BRCC3: variants seen among roughly 807,000 people sequenced by gnomAD.
BRCC3 encodes lys-63-specific deubiquitinase BRCC36.
BRCC3 carries 15 observed loss-of-function variants against 28.0 expected under a neutral mutation model. That is an observed-to-expected ratio of 0.54 (90% confidence interval 0.36 to 0.82). The LOEUF is 0.82. Ranked by LOEUF, BRCC3 falls within the 40% of genes least tolerant of loss-of-function variation. BRCC3 has a pLI of 0.01. For synonymous variants in BRCC3, 66 were observed against 80.3 expected (o/e 0.82, Z 0.95); for missense variants, 109 against 225.9 (o/e 0.48, Z 3.32).
intron 5 of BRCC3, among the ~76,000 whole-genome samples, chrX:155,086,913 A>G (rs1269020686): frequency 3.6e-5 from 4 of 111,940 alleles, no homozygotes; most frequent in African/African-American, 1.3e-4. Flanking sequence ...AGGCTTCTGA[A>G]ATGTCTTTGG....
chrX:155,095,358 C>T (rs899371941), intron 7 of BRCC3, among the ~76,000 whole-genome samples: 1 of 111,320 alleles, frequency 9.0e-6, no homozygotes, highest in Non-Finnish European at 1.9e-5. Flanking sequence ...TGGAGTACAA[C>T]GGCAGGATCT....
chrX:155,118,573 A>G (rs976204436), intron 9 of BRCC3, among the ~76,000 whole-genome samples: 3 of 112,652 alleles, frequency 2.7e-5, no homozygotes, highest in African/African-American at 9.7e-5. Flanking sequence ...TTGGCTTTAC[A>G]GTTTTGCAGA....
chrX:155,119,974 C>A (rs1557299219), intron 9 of BRCC3, 25 bp from the exon 10 acceptor site: 1 of 1,186,611 alleles, frequency 8.4e-7, no homozygotes, highest in Non-Finnish European at 1.1e-6. Flanking sequence ...CACAATTATT[C>A]TCATCTTTAT....
intron 5 of BRCC3, among the ~76,000 whole-genome samples, chrX:155,079,451 G>A (rs1557293980): frequency 8.9e-6 from 1 of 111,849 alleles, no homozygotes; most frequent in African/African-American, 3.3e-5. Flanking sequence ...CATCTACACT[G>A]TGATACGAAT....
chrX:155,105,343 T>TGGGC (rs2074274221), intron 7 of BRCC3, among the ~76,000 whole-genome samples: 3 of 111,098 alleles, frequency 2.7e-5, no homozygotes, highest in Admixed American at 9.5e-5. Context: ...ATTAGCCAAG[T>TGGGC]GTGGTGGCGC....
At chrX:155,113,468 A>G (rs970149868) in intron 7 of BRCC3, among the ~76,000 whole-genome samples, 8 of 110,933 alleles carry the variant, frequency 7.2e-5, no homozygotes, top group South Asian at 7.6e-4. Flanking sequence ...AAGAAGCTGG[A>G]CCCTTATCTT....
chrX:155,111,427 A>G (rs1451809848), intron 7 of BRCC3, among the ~76,000 whole-genome samples: 2 of 112,020 alleles, frequency 1.8e-5, no homozygotes, highest in Non-Finnish European at 3.8e-5. Context: ...AAATCAGTGG[A>G]ATAGAATTGT....
chrX:155,094,015 T>A (rs953375271), intron 7 of BRCC3, among the ~76,000 whole-genome samples: 27 of 112,019 alleles, frequency 2.4e-4, no homozygotes, highest in African/African-American at 8.4e-4. Context: ...AATGTTAGAT[T>A]GCCTTCTGTT....
At chrX:155,080,182 G>GAA (rs1215716527) in intron 5 of BRCC3, among the ~76,000 whole-genome samples, 3 of 111,553 alleles carry the variant, frequency 2.7e-5, no homozygotes, top group African/African-American at 9.8e-5. Flanking sequence ...CACTAATGAA[G>GAA]AAAAGTTTGA....
chrX:155,112,485 G>A (rs782470535), intron 7 of BRCC3, among the ~76,000 whole-genome samples: 1 of 112,844 alleles, frequency 8.9e-6, no homozygotes, highest in Non-Finnish European at 1.9e-5. Context: ...TTTTTGGACC[G>A]TGGTTGACCA....
At chrX:155,085,582 C>T (rs2074117813) in intron 5 of BRCC3, among the ~76,000 whole-genome samples, 1 of 112,565 alleles carries the variant, frequency 8.9e-6, no homozygotes, top group African/African-American at 3.2e-5. Context: ...CAACAGAAAA[C>T]AGATAAGCGA....
chrX:155,120,199 A>G (rs1465071986), intron 10 of BRCC3, 31 bp downstream of exon 10: 1 of 1,075,941 alleles, frequency 9.3e-7, no homozygotes, highest in African/African-American at 1.8e-5. Flanking sequence ...TTTGTGTACT[A>G]AACACAGTCT....
intron 7 of BRCC3, among the ~76,000 whole-genome samples, chrX:155,095,613 A>T (rs968563374): frequency 2.7e-5 from 3 of 111,674 alleles, no homozygotes; most frequent in African/African-American, 6.5e-5. Context: ...GAAAGAAACA[A>T]TTTTTAATAT....
At chrX:155,093,865 G>A (rs2074191892) in intron 7 of BRCC3, among the ~76,000 whole-genome samples, 1 of 108,739 alleles carries the variant, frequency 9.2e-6, no homozygotes, top group Admixed American at 9.8e-5. Context: ...TTTTGTTCTA[G>A]TTTCGGCTTT....
chrX:155,120,264 G>C, intron 10 of BRCC3, 96 bp downstream of exon 10: 1 of 656,610 alleles, frequency 1.5e-6, no homozygotes, highest in Non-Finnish European at 2.4e-6. Context: ...TTTTTCACAT[G>C]CAATCAGCAC....
chrX:155,099,222 A>T, intron 7 of BRCC3: 1 of 821,173 alleles, frequency 1.2e-6, no homozygotes, highest in Non-Finnish European at 1.6e-6. Flanking sequence ...AAGTCTGGAG[A>T]TGGATATCAG....
At chrX:155,095,641 C>T (rs1163796007) in intron 7 of BRCC3, among the ~76,000 whole-genome samples, 1 of 111,599 alleles carries the variant, frequency 9.0e-6, no homozygotes, top group Non-Finnish European at 1.9e-5. Context: ...CCTAAGTGTT[C>T]AGTGTTATAA....
At position 155,122,996 on chromosome X, in the gene BRCC3, G is replaced by C. The variant is rs2074396863; in HGVS notation, c.*1792G>C. On this transcript the variant is annotated 3_prime_UTR_variant, in exon 11 of 11. Coordinates refer to ENST00000330045, the MANE Select transcript of BRCC3 (RefSeq NM_001018055.3). ...ATGAGTCTTTACCTGTGCTGAAGTT[G>C]TATGGACCTACATACACACAAATGA... The C allele has an allele frequency of 9.0e-6, 1 of 111,414 alleles. No individual in the cohort carries two copies. Among genetic ancestry groups the C allele is most frequent in the South Asian group, 3.7e-4 (1 of 2,672 alleles). 9.2% of individuals were successfully genotyped at this position (111,414 alleles called of 1,213,427 possible). A position where few individuals can be genotyped will look rare whatever the true frequency, so the allele number is the denominator to read the frequency against.
chrX:155,075,308 T>A (rs1289970156), intron 3 of BRCC3, among the ~76,000 whole-genome samples: 1 of 51,987 alleles, frequency 1.9e-5, no homozygotes, highest in Admixed American at 2.0e-4. Context: ...CCCTTCTTGT[T>A]CTTCCCCACA....
Sources: allele counts gnomAD v4.1 joint callset (sites outside exome capture counted in the v4.1 genomes callset), GRCh38; gene constraint gnomAD v4.1.1; transcripts MANE v1.5; gene names NCBI Gene and HGNC (gene_info 2026-07-23, HGNC 2026-07-21).